Variants in ESRRG observed in about 807,000 individuals in gnomAD.
ESRRG encodes the protein estrogen-related receptor gamma.
In ESRRG, 13 loss-of-function variants were observed where a neutral mutation model predicts 44.0. That is an observed-to-expected ratio of 0.30 (90% CI 0.19 to 0.47). The LOEUF (loss-of-function observed/expected upper bound fraction) is 0.47, where lower values mean the gene tolerates loss of function less well. ESRRG is among the 20% of genes least tolerant of loss of function. The pLI is 1.00. For missense variants in ESRRG, 395 were observed against 580.6 expected, an observed-to-expected ratio of 0.68 and a Z score of 3.29; for synonymous variants, 215 against 214.6, an observed-to-expected ratio of 1.00 and a Z score of -0.02.
intron 1 of ESRRG, among the ~76,000 whole-genome samples, chr1:216,982,394 A>G (rs1487532157): frequency 6.6e-6 from 1 of 152,174 alleles, no homozygotes; most frequent in Non-Finnish European, 1.5e-5. Flanking sequence ...AGATCTGAGC[A>G]CTTATCTCCC....
At chr1:216,863,632 C>G (rs1316828823) in intron 2 of ESRRG, 4 of 152,134 alleles carry the variant, frequency 2.6e-5, no homozygotes, top group African/African-American at 9.7e-5. Flanking sequence ...TTCTCCTATA[C>G]CCTTTTGAGA....
intron 2 of ESRRG, among the ~76,000 whole-genome samples, chr1:216,653,411 T>C (rs551717521): frequency 4.6e-4 from 70 of 152,232 alleles, no homozygotes; most frequent in Non-Finnish European, 8.1e-4. Context: ...TTTGCCTTCC[T>C]GAATGAAATA....
At chr1:216,651,191 C>A in intron 2 of ESRRG, 102 bp from the exon 3 acceptor site, 1 of 734,700 alleles carries the variant, frequency 1.4e-6, no homozygotes, top group South Asian at 1.5e-5. Flanking sequence ...TCTCCCACCC[C>A]AAAAAATGTC....
intron 3 of ESRRG, among the ~76,000 whole-genome samples, chr1:216,645,831 C>T (rs2067437873): frequency 7.0e-6 from 1 of 142,896 alleles, no homozygotes; most frequent in Non-Finnish European, 1.5e-5. Context: ...AAGATCATGC[C>T]ACTGCACTCT....
chr1:216,766,864 C>T (rs566305965), intron 2 of ESRRG, among the ~76,000 whole-genome samples: 143 of 152,244 alleles, frequency 9.4e-4, no homozygotes, highest in African/African-American at 3.4e-3. Context: ...GCTGTAGATC[C>T]AGTGTTCTCT....
At chr1:216,518,745 A>G (rs887878448) in intron 6 of ESRRG, among the ~76,000 whole-genome samples, 4 of 152,160 alleles carry the variant, frequency 2.6e-5, no homozygotes, top group African/African-American at 7.2e-5. Context: ...CACTAAATAT[A>G]TTTTCCCAAT....
intron 1 of ESRRG, among the ~76,000 whole-genome samples, chr1:216,994,767 T>G (rs1282143989): frequency 6.6e-6 from 1 of 151,754 alleles, no homozygotes; most frequent in Admixed American, 6.6e-5. Flanking sequence ...ATTTTTTTTT[T>G]AGTAGAGACG....
rs150837829 is a variant in ESRRG at position 216,830,061 on chromosome 1, T to C, written c.-14+109521A>G. ...CACACATGCACACACACAGGAATTT[T>C]ATTAACATCCTCTCCCTGCTGAAAC... On this transcript the variant is annotated intron_variant, in intron 2 of 7. Coordinates refer to the ESRRG transcript ENST00000359162. 3.0e-3 allele frequency among the ~76,000 whole-genome samples: 452 copies of C among 152,284 alleles called. 3 individuals are homozygous for C. Among genetic ancestry groups the C allele is most frequent in the Non-Finnish European group, 4.7e-3 (319 of 68,026 alleles).
intron 3 of ESRRG, among the ~76,000 whole-genome samples, chr1:216,570,659 C>T (rs1477615481): frequency 6.6e-6 from 1 of 152,032 alleles, no homozygotes; most frequent in Non-Finnish European, 1.5e-5. Context: ...CGTTTGTCAT[C>T]CAATTCCAAC....
rs58738849 is a variant in ESRRG, at chr1:216,868,079, C to CTTTT, written c.-14+71499_-14+71502dup. On this transcript the variant is annotated intron_variant, in intron 2 of 7. Coordinates refer to the ESRRG transcript ENST00000359162. ...GTCCAAATTGTTGTGTATATTGATC[C>CTTTT]TTTTTTTTTTTTTTTTTTTTTTTTT... 9.6e-3 allele frequency among the ~76,000 whole-genome samples: 753 copies of CTTTT among 78,352 alleles called. 16 individuals are homozygous for CTTTT. The highest frequency in any genetic ancestry group is 0.011 in the Non-Finnish European group (476 of 45,250). 51.4% of individuals were successfully genotyped at this position (78,352 alleles called of 152,430 possible).
chr1:216,790,329 T>G (rs1224677436), intron 2 of ESRRG, among the ~76,000 whole-genome samples: 1 of 152,186 alleles, frequency 6.6e-6, no homozygotes, highest in Non-Finnish European at 1.5e-5. Flanking sequence ...AGTCACTCAC[T>G]TCTTTTGAGC....
chr1:216,594,038 T>C (rs946228518), intron 3 of ESRRG, among the ~76,000 whole-genome samples: 4 of 152,128 alleles, frequency 2.6e-5, no homozygotes, highest in Admixed American at 2.6e-4. Flanking sequence ...TAGTATGAAT[T>C]CTGAAACTCA....
At chr1:216,790,117 C>T (rs563988411) in intron 2 of ESRRG, among the ~76,000 whole-genome samples, 38 of 152,284 alleles carry the variant, frequency 2.5e-4, no homozygotes, top group Middle Eastern at 3.4e-3. Context: ...GACAAAACTA[C>T]CATCAGGCTG....
chr1:216,656,032 G>C (rs908212177), intron 2 of ESRRG, among the ~76,000 whole-genome samples: 1 of 152,132 alleles, frequency 6.6e-6, no homozygotes, highest in African/African-American at 2.4e-5. Context: ...TAGACCATAT[G>C]ATCTCTATGG....
chr1:216,757,815 C>T (rs2092545096), intron 2 of ESRRG, among the ~76,000 whole-genome samples: 1 of 152,030 alleles, frequency 6.6e-6, no homozygotes, highest in South Asian at 2.1e-4. Flanking sequence ...GTTCTGCTCT[C>T]TTAATTTTAA....
At chr1:216,641,740 G>A (rs12128352) in intron 3 of ESRRG, among the ~76,000 whole-genome samples, 29,891 of 152,218 alleles carry the variant, frequency 0.2, 3,752 homozygotes, top group Non-Finnish European at 0.28. Flanking sequence ...CAGTACTACT[G>A]ATGTTTATTC....
At chr1:217,065,409 G>A (rs2089460129) in intron 1 of ESRRG, among the ~76,000 whole-genome samples, 2 of 152,322 alleles carry the variant, frequency 1.3e-5, no homozygotes, top group Non-Finnish European at 2.9e-5. Flanking sequence ...TGTTGTTAAA[G>A]GTGTTCTTGG....
chr1:216,855,314 A>G (rs1267721675), intron 2 of ESRRG, among the ~76,000 whole-genome samples: 1 of 152,132 alleles, frequency 6.6e-6, no homozygotes, highest in Non-Finnish European at 1.5e-5. Flanking sequence ...CTCTCGCTTT[A>G]GTTTAAAGTT....
intron 2 of ESRRG, among the ~76,000 whole-genome samples, chr1:216,777,011 C>T (rs994333045): frequency 1.3e-5 from 2 of 152,076 alleles, no homozygotes; most frequent in African/African-American, 2.4e-5. Flanking sequence ...TTCTCTTAAC[C>T]TTTTGAAGTG....
Sources: allele counts gnomAD v4.1 joint callset (sites outside exome capture counted in the v4.1 genomes callset), GRCh38; gene constraint gnomAD v4.1.1; transcripts MANE v1.5; gene names NCBI Gene and HGNC (gene_info 2026-07-23, HGNC 2026-07-21).